Variants in PRRT1B observed in about 807,000 individuals in gnomAD.
The protein encoded by PRRT1B is proline rich transmembrane protein 1B, also known as dispanin subfamily D member 2.
exon 2 of PRRT1B, chr9:131,554,818 C>T (rs1375303365): frequency 2.8e-6 from 1 of 362,376 alleles, no homozygotes; most frequent in African/African-American, 2.1e-5. Context: ...GGCGGCGCCC[C>T]CCACATCGGC....
chr9:131,550,899 C>A (rs1003455923), intron 1 of PRRT1B, among the ~76,000 whole-genome samples: 15 of 149,700 alleles, frequency 1.0e-4, no homozygotes, highest in African/African-American at 3.7e-4. Context: ...TTATTCGGAC[C>A]TTGTGTCTTC....
chr9:131,546,880 G>C (rs1291287987), intron 1 of PRRT1B, among the ~76,000 whole-genome samples: 1 of 152,078 alleles, frequency 6.6e-6, no homozygotes, highest in Non-Finnish European at 1.5e-5. Context: ...ATGATAGCTG[G>C]GGCAGGGACA....
At chr9:131,558,168 T>C in exon 4 of PRRT1B, 1 of 400,990 alleles carries the variant, frequency 2.5e-6, no homozygotes, top group Non-Finnish European at 4.4e-6. Flanking sequence ...ACCAGCTGGG[T>C]CATCTACGTG....
At chr9:131,549,625 C>T (rs147980853) in intron 1 of PRRT1B, among the ~76,000 whole-genome samples, 2,090 of 152,300 alleles carry the variant, frequency 0.014, 20 homozygotes, top group Middle Eastern at 0.054. Context: ...GGGTAACTCT[C>T]ACAGTGGAGG....
chr9:131,549,699 G>A (rs1193698578), intron 1 of PRRT1B, among the ~76,000 whole-genome samples: 1 of 152,158 alleles, frequency 6.6e-6, no homozygotes, highest in East Asian at 1.9e-4. Flanking sequence ...TCAAGGGCCT[G>A]TTTCCTTTGC....
At chr9:131,546,513 T>TCC (rs1283206436) in intron 1 of PRRT1B, among the ~76,000 whole-genome samples, 3 of 150,908 alleles carry the variant, frequency 2.0e-5, no homozygotes, top group Non-Finnish European at 4.4e-5. Context: ...TCTCGCGCAC[T>TCC]CCCCGCCCCC....
At position 131,545,673 on chromosome 9, in the gene PRRT1B, A is replaced by G. The variant is rs1420765408; in HGVS notation, c.25+33A>G. 570 of 312,782 alleles carry G rather than the reference A, an allele frequency of 1.8e-3. 1 individual carries two copies. The African/African-American group carries it at 0.028, about 16-fold the overall frequency. 19.4% of individuals were successfully genotyped at this position (312,782 alleles called of 1,614,324 possible). On this transcript the variant is annotated intron_variant, in intron 1 of 3. Transcript: ENST00000636672. ...AGGGGCAGGTGCTGGTGGGACAGGTACTGGCGGGGCAGGTACTGGCGGGGC... is the reference window on the plus strand; with the variant it reads ...AGGGGCAGGTGCTGGTGGGACAGGTGCTGGCGGGGCAGGTACTGGCGGGGC...
At chr9:131,553,158 C>T (rs1179760268) in intron 1 of PRRT1B, among the ~76,000 whole-genome samples, 1 of 152,136 alleles carries the variant, frequency 6.6e-6, no homozygotes, top group Non-Finnish European at 1.5e-5. Context: ...ACCACTTGAA[C>T]CACTTCTAAG....
chr9:131,550,276 C>T (rs1288406854), intron 1 of PRRT1B, among the ~76,000 whole-genome samples: 4 of 152,160 alleles, frequency 2.6e-5, no homozygotes, highest in African/African-American at 9.7e-5. Context: ...CTCTCCTATC[C>T]TCAATACCTC....
chr9:131,545,553 G>T (rs1950967485), exon 1 of PRRT1B: 1 of 396,214 alleles, frequency 2.5e-6, no homozygotes, highest in South Asian at 1.3e-4. Flanking sequence ...AGCGGAGCCG[G>T]CCCGACGGCA....
chr9:131,553,455 C>T (rs967442109), intron 1 of PRRT1B, among the ~76,000 whole-genome samples: 6 of 152,194 alleles, frequency 3.9e-5, no homozygotes, highest in East Asian at 3.9e-4. Flanking sequence ...GTATAAACAG[C>T]GTGGCAGGTG....
chr9:131,555,943 C>CA (rs1951046414), intron 2 of PRRT1B, 127 bp from the exon 3 acceptor site: 1 of 396,828 alleles, frequency 2.5e-6, no homozygotes, highest in Non-Finnish European at 4.4e-6. Context: ...CCGTGAATTG[C>CA]AGCCTCAGTG....
chr9:131,556,004 T>TG (rs1951046782), intron 2 of PRRT1B, 66 bp from the exon 3 acceptor site: 1 of 399,452 alleles, frequency 2.5e-6, no homozygotes, highest in Non-Finnish European at 4.4e-6. Flanking sequence ...CTGGCTGGCC[T>TG]TCTCACTCAC....
exon 4 of PRRT1B, chr9:131,558,235 G>A (rs1250937589): frequency 2.5e-6 from 1 of 400,836 alleles, no homozygotes; most frequent in African/African-American, 2.1e-5. Context: ...CCGGATGCCG[G>A]AATGTCCACG....
intron 1 of PRRT1B, among the ~76,000 whole-genome samples, chr9:131,547,612 C>G (rs545216175): frequency 1.3e-5 from 2 of 152,298 alleles, no homozygotes; most frequent in Non-Finnish European, 2.9e-5. Flanking sequence ...TTCACACGGA[C>G]GCGAGTGAAA....
intron 1 of PRRT1B, among the ~76,000 whole-genome samples, chr9:131,546,872 G>C (rs1950978899): frequency 6.6e-6 from 1 of 152,120 alleles, no homozygotes; most frequent in Admixed American, 6.5e-5. Flanking sequence ...TTTTTGTTAT[G>C]ATAGCTGGGG....
At chr9:131,557,366 C>A (rs996953793) in intron 3 of PRRT1B, among the ~76,000 whole-genome samples, 2 of 152,116 alleles carry the variant, frequency 1.3e-5, no homozygotes, top group Non-Finnish European at 2.9e-5. Flanking sequence ...TGGTGAAACC[C>A]CGTCTCTACT....
At chr9:131,549,814 T>C (rs1052180965) in intron 1 of PRRT1B, among the ~76,000 whole-genome samples, 2 of 152,282 alleles carry the variant, frequency 1.3e-5, no homozygotes, top group Middle Eastern at 3.4e-3. Context: ...TTTTTAGTTA[T>C]CCCCACATGC....
intron 1 of PRRT1B, among the ~76,000 whole-genome samples, chr9:131,554,050 C>T (rs1218833177): frequency 6.6e-6 from 1 of 152,130 alleles, no homozygotes; most frequent in Non-Finnish European, 1.5e-5. Context: ...TTAGTGACCT[C>T]CTGGCTCCAC....
Sources: gnomAD v4.1 joint callset for allele counts (sites outside exome capture counted in the v4.1 genomes callset) on GRCh38, gnomAD v4.1.1 for gene constraint, MANE v1.5 for transcripts, NCBI Gene and HGNC (gene_info 2026-07-23, HGNC 2026-07-21) for gene names.